Variants in DAB2 observed in about 807,000 individuals in gnomAD.
DAB2 encodes disabled homolog 2.
A neutral mutation model predicts 71.6 loss-of-function variants in DAB2; 28 were observed. That is an observed-to-expected ratio of 0.39 (90% CI 0.29 to 0.54). DAB2 has a LOEUF of 0.54. Among genes scored for constraint, DAB2 ranks in the 20% least tolerant of loss-of-function variants. The pLI is 0.68. For missense variants in DAB2, 867 were observed against 928.8 expected (o/e 0.93, Z 0.86); for synonymous variants, 345 against 339.7 (o/e 1.02, Z -0.17).
At chr5:39,376,144 T>A in intron 12 of DAB2, 38 bp from the exon 13 acceptor site, 2 of 1,519,768 alleles carry the variant, frequency 1.3e-6, no homozygotes, top group Non-Finnish European at 1.8e-6. Flanking sequence ...GTAGACAAGC[T>A]TTCCCCAAAT....
intron 1 of DAB2, among the ~76,000 whole-genome samples, chr5:39,402,819 G>A (rs907494081): frequency 6.6e-6 from 1 of 152,292 alleles, no homozygotes; most frequent in African/African-American, 2.4e-5. Flanking sequence ...CAAAAGTTGG[G>A]TTCTGATAGA....
chr5:39,414,623 CA>C (rs897125067), intron 1 of DAB2, among the ~76,000 whole-genome samples: 37 of 151,680 alleles, frequency 2.4e-4, no homozygotes, highest in African/African-American at 9.0e-4. Context: ...ATTTCAGTAA[CA>C]GCTTGTCTGC....
intron 1 of DAB2, among the ~76,000 whole-genome samples, chr5:39,406,103 C>A (rs1309122672): frequency 6.6e-6 from 1 of 152,108 alleles, no homozygotes. Flanking sequence ...AGCTGAGGCA[C>A]TTCTGGGAAA....
At chr5:39,373,726 T>C (rs1482856804) in intron 14 of DAB2, among the ~76,000 whole-genome samples, 2 of 152,160 alleles carry the variant, frequency 1.3e-5, no homozygotes, top group Non-Finnish European at 2.9e-5. Context: ...AGAAGTCTAG[T>C]TCATTCAATT....
chr5:39,401,765 A>ATTTATTTATTTATTTG (rs1755504793), intron 1 of DAB2, among the ~76,000 whole-genome samples: 1 of 150,714 alleles, frequency 6.6e-6, no homozygotes, highest in South Asian at 2.1e-4. Context: ...TTATTTATTT[A>ATTTATTTATTTATTTG]TTTTTGAGAC....
intron 11 of DAB2, among the ~76,000 whole-genome samples, chr5:39,379,129 T>C (rs1376847825): frequency 6.6e-6 from 1 of 152,176 alleles, no homozygotes; most frequent in Non-Finnish European, 1.5e-5. Context: ...TAGGAAAATA[T>C]CATATTAGTG....
At chr5:39,381,133 C>G (rs534916751) in intron 11 of DAB2, among the ~76,000 whole-genome samples, 1 of 152,162 alleles carries the variant, frequency 6.6e-6, no homozygotes, top group Non-Finnish European at 1.5e-5. Flanking sequence ...TTATGTCAAC[C>G]CTGTTTTGCT....
At chr5:39,400,319 GC>G (rs1755469502) in intron 1 of DAB2, among the ~76,000 whole-genome samples, 1 of 151,054 alleles carries the variant, frequency 6.6e-6, no homozygotes, top group East Asian at 1.9e-4. Flanking sequence ...TGCAACCTCT[GC>G]CTCCCAGGTT....
Position 39,404,446 on chromosome 5 carries a change from C to T in DAB2, c.-101-10025G>A, listed in dbSNP as rs190648159. ...AAAATAAATAAATAAAAAATAAATG[C>T]ATGTATTATTATCTAAAAAAAAAAA... On this transcript the variant is annotated intron_variant, in intron 1 of 14. Transcript: ENST00000320816. Among the ~76,000 whole-genome samples the T allele has an allele frequency of 2.9e-4, 39 of 132,354 alleles. No homozygotes were observed. The East Asian group carries it at 7.7e-3, about 26-fold the overall frequency. The allele number at this position is 132,354 out of a possible 152,430, so 86.8% of individuals were successfully genotyped here.
intron 11 of DAB2, among the ~76,000 whole-genome samples, chr5:39,377,918 T>C (rs1370137577): frequency 6.6e-6 from 1 of 152,220 alleles, no homozygotes; most frequent in Non-Finnish European, 1.5e-5. Flanking sequence ...AAGATAAAGT[T>C]TGGCCAATGC....
chr5:39,383,116 A>G lies in DAB2; in HGVS notation c.843T>C (p.Ser281=), dbSNP rs1268561792. 6.2e-7 allele frequency: 1 copy of G among 1,614,172 alleles called. No homozygotes were observed. Among genetic ancestry groups the G allele is most frequent in the South Asian group, 1.1e-5 (1 of 91,082 alleles). Residue 281 remains serine, a synonymous_variant, in exon 10 of 15, where the codon TCT becomes TCC. Transcript: ENST00000320816. ...QASFLPENAF[S]ANLNFFPTPN... Reference sequence around the variant, plus strand: ...GGGTGGGAAAGAAGTTGAGATTGGCAGAAAAGGCATTTTCAGGCAAGAAGG... The same window carrying G: ...GGGTGGGAAAGAAGTTGAGATTGGCGGAAAAGGCATTTTCAGGCAAGAAGG...
intron 1 of DAB2, among the ~76,000 whole-genome samples, chr5:39,407,777 C>T (rs888636993): frequency 6.6e-6 from 1 of 152,208 alleles, no homozygotes; most frequent in Non-Finnish European, 1.5e-5. Flanking sequence ...CAGCTTGAAA[C>T]TCTATGCGGA....
intron 6 of DAB2, among the ~76,000 whole-genome samples, chr5:39,389,514 T>A (rs1755174234): frequency 6.6e-6 from 1 of 152,174 alleles, no homozygotes; most frequent in African/African-American, 2.4e-5. Context: ...AGTACAGTTT[T>A]AAGTTTGTTT....
Position 39,371,979 on chromosome 5 carries a change from T to C in DAB2, c.*1452A>G, listed in dbSNP as rs1754710481. 4 of 152,188 alleles carry C rather than the reference T, an allele frequency of 2.6e-5. No individual in the cohort carries two copies. 9.4% of individuals were successfully genotyped at this position (152,188 alleles called of 1,614,324 possible). A position where few individuals can be genotyped will look rare whatever the true frequency, so the allele number is the denominator to read the frequency against. ...GGACTTTCTACTTGGGGCTAATCAA[T>C]AGAGGGTCATGTGGCCCCTGTCTTG... On this transcript the variant is annotated 3_prime_UTR_variant, in exon 15 of 15. Transcript: ENST00000320816.
intron 7 of DAB2, 99 bp downstream of exon 7, chr5:39,388,998 T>C (rs1292553655): frequency 1.5e-6 from 2 of 1,330,038 alleles, no homozygotes; most frequent in African/African-American, 1.5e-5. Context: ...CATAAACACA[T>C]AGTAATAAGC....
intron 1 of DAB2, among the ~76,000 whole-genome samples, chr5:39,419,161 G>T (rs1053151391): frequency 2.0e-5 from 3 of 152,280 alleles, no homozygotes; most frequent in Admixed American, 1.3e-4. Context: ...ACAACTAAGG[G>T]CCAGAGACAT....
chr5:39,383,347 G>T, intron 9 of DAB2, 76 bp from the exon 10 acceptor site: 2 of 1,156,708 alleles, frequency 1.7e-6, no homozygotes, highest in Non-Finnish European at 2.4e-6. Context: ...TACATAAGAT[G>T]ACTAGGATTA....
chr5:39,392,559 C>T (rs1755259107), intron 3 of DAB2, 96 bp from the exon 4 acceptor site: 3 of 870,904 alleles, frequency 3.4e-6, no homozygotes, highest in East Asian at 5.1e-5. Flanking sequence ...GCTTTGTTTT[C>T]GACTTGATCT....
At chr5:39,384,282 C>T (rs1378016103) in intron 9 of DAB2, among the ~76,000 whole-genome samples, 2 of 152,200 alleles carry the variant, frequency 1.3e-5, no homozygotes, top group East Asian at 3.9e-4. Context: ...GTATTTTTCT[C>T]ATATACATAC....
Sources: allele counts gnomAD v4.1 joint callset (sites outside exome capture counted in the v4.1 genomes callset), GRCh38; gene constraint gnomAD v4.1.1; transcripts MANE v1.5; gene names NCBI Gene and HGNC (gene_info 2026-07-23, HGNC 2026-07-21).